RTL4: variants seen among roughly 807,000 people sequenced by gnomAD.
The protein encoded by RTL4 is retrotransposon Gag-like protein 4.
In RTL4, 4 loss-of-function variants were observed where a neutral mutation model predicts 5.3. That is an observed-to-expected ratio of 0.75 (90% confidence interval 0.37 to 1.72). The LOEUF (loss-of-function observed/expected upper bound fraction) is 1.72, where lower values mean the gene tolerates loss of function less well. Ranked by LOEUF, RTL4 falls within the 40% of genes most tolerant of loss-of-function variation. The probability of loss-of-function intolerance (pLI) is 0.04; values close to 1 mark genes in which losing one functional copy is unlikely to be tolerated. For missense variants in RTL4, 260 were observed against 227.1 expected (o/e 1.14, Z -0.93); for synonymous variants, 98 against 87.3 (o/e 1.12, Z -0.68).
chrX:112,302,712 C>A, the RTL4 span, among the ~76,000 whole-genome samples: 1 of 112,143 alleles, frequency 8.9e-6, no homozygotes, highest in South Asian at 3.7e-4. Context: ...ATTTTTCGAG[C>A]ATTTACAATG....
At chrX:112,148,769 C>A in the RTL4 span, among the ~76,000 whole-genome samples, 1 of 112,136 alleles carries the variant, frequency 8.9e-6, no homozygotes, top group African/African-American at 3.2e-5. Flanking sequence ...TAATATCTAT[C>A]TTGATAAGTT....
At chrX:112,270,271 T>C in the RTL4 span, among the ~76,000 whole-genome samples, 1 of 112,358 alleles carries the variant, frequency 8.9e-6, no homozygotes, top group Non-Finnish European at 1.9e-5. Context: ...GCTTTAAAAA[T>C]TACTAATGGA....
the RTL4 span, among the ~76,000 whole-genome samples, chrX:112,176,181 C>A: frequency 1.8e-5 from 2 of 111,596 alleles, no homozygotes; most frequent in East Asian, 5.6e-4. Context: ...TGTGAAGGAC[C>A]TCTTCAAGGA....
the RTL4 span, among the ~76,000 whole-genome samples, chrX:112,207,322 G>T: frequency 2.7e-5 from 3 of 111,066 alleles, no homozygotes; most frequent in Middle Eastern, 9.2e-3. Flanking sequence ...ACCTTTCTGG[G>T]GGATTTTCCT....
At chrX:112,325,554 G>A in the RTL4 span, among the ~76,000 whole-genome samples, 1 of 112,125 alleles carries the variant, frequency 8.9e-6, no homozygotes, top group Non-Finnish European at 1.9e-5. Context: ...ATGGGGAAAG[G>A]ATTCCCTATT....
chrX:112,383,299 T>G, the RTL4 span, among the ~76,000 whole-genome samples: 1 of 111,852 alleles, frequency 8.9e-6, no homozygotes, highest in Non-Finnish European at 1.9e-5. Flanking sequence ...TAGGGGAATA[T>G]AATCTCATAT....
chrX:112,322,451 T>C, the RTL4 span, among the ~76,000 whole-genome samples: 1 of 110,595 alleles, frequency 9.0e-6, no homozygotes, highest in African/African-American at 3.3e-5. Context: ...TAATGATATT[T>C]CTTGTTGGTG....
chrX:112,398,634 C>T, the RTL4 span, among the ~76,000 whole-genome samples: 2 of 110,514 alleles, frequency 1.8e-5, no homozygotes, highest in South Asian at 3.8e-4. Flanking sequence ...TTCCTGACGT[C>T]GTGATCCGCC....
the RTL4 span, among the ~76,000 whole-genome samples, chrX:112,162,672 C>G: frequency 5.4e-5 from 6 of 111,914 alleles, no homozygotes; most frequent in East Asian, 1.7e-3. Flanking sequence ...TACTAGGAAA[C>G]CTTTGTTAAT....
At chrX:112,415,269 G>A in the RTL4 span, among the ~76,000 whole-genome samples, 3 of 111,008 alleles carry the variant, frequency 2.7e-5, no homozygotes, top group African/African-American at 9.8e-5. Context: ...AGTTTTGCCT[G>A]ATTTTTGAAT....
chrX:112,188,183 A>C, the RTL4 span, among the ~76,000 whole-genome samples: 1 of 111,453 alleles, frequency 9.0e-6, no homozygotes, highest in Non-Finnish European at 1.9e-5. Context: ...TAAATACTTA[A>C]GCTCAAGGTG....
At chrX:112,354,332 A>G in the RTL4 span, among the ~76,000 whole-genome samples, 1 of 111,465 alleles carries the variant, frequency 9.0e-6, no homozygotes, top group Admixed American at 9.6e-5. Context: ...CAACATTAAA[A>G]TGGTGATGGC....
chrX:112,141,901 G>A, the RTL4 span, among the ~76,000 whole-genome samples: 1 of 111,857 alleles, frequency 8.9e-6, no homozygotes, highest in Non-Finnish European at 1.9e-5. Context: ...ATAACTAAGG[G>A]TTTTGGAATC....
the RTL4 span, among the ~76,000 whole-genome samples, chrX:112,387,107 G>A: frequency 6.3e-5 from 7 of 111,342 alleles, no homozygotes; most frequent in African/African-American, 2.0e-4. Context: ...CTGATCATTA[G>A]TGATGTTGAG....
the RTL4 span, among the ~76,000 whole-genome samples, chrX:112,300,923 C>T: frequency 9.0e-6 from 1 of 111,284 alleles, no homozygotes; most frequent in African/African-American, 3.3e-5. Context: ...GAGATCAGGG[C>T]AAGGCAGTAG....
chrX:112,397,400 G>C, the RTL4 span, among the ~76,000 whole-genome samples: 1 of 110,764 alleles, frequency 9.0e-6, no homozygotes, highest in Admixed American at 9.6e-5. Flanking sequence ...TCCATGGTTA[G>C]TTGAATTAAT....
chrX:112,327,976 A>G, the RTL4 span, among the ~76,000 whole-genome samples: 1 of 107,227 alleles, frequency 9.3e-6, no homozygotes, highest in Non-Finnish European at 1.9e-5. Flanking sequence ...TGTCACCACC[A>G]GGCCTGCCCT....
chrX:112,368,140 T>C, the RTL4 span, among the ~76,000 whole-genome samples: 945 of 111,710 alleles, frequency 8.5e-3, 15 homozygotes, highest in African/African-American at 0.029. Flanking sequence ...TTGTAGAGAA[T>C]AGATTAGAAG....
chrX:112,454,490 C>G (rs1055664336), upstream of RTL4: 1 of 341,545 alleles, frequency 2.9e-6, no homozygotes, highest in Non-Finnish European at 5.0e-6. Flanking sequence ...TTATTTCTTC[C>G]AAATTGCAGA....
Sources: gnomAD v4.1 joint callset for allele counts (sites outside exome capture counted in the v4.1 genomes callset) on GRCh38, gnomAD v4.1.1 for gene constraint, MANE v1.5 for transcripts, NCBI Gene and HGNC (gene_info 2026-07-23, HGNC 2026-07-21) for gene names.